The following LHFPL3 variants were observed in gnomAD, a reference collection of about 807,000 sequenced individuals.
LHFPL3 encodes LHFPL tetraspan subfamily member 3 protein.
LHFPL3 carries 5 observed loss-of-function variants against 19.3 expected under a neutral mutation model. That is an observed-to-expected ratio of 0.26 (90% CI 0.14 to 0.54). The LOEUF (loss-of-function observed/expected upper bound fraction) is 0.54. Ranked by LOEUF, LHFPL3 falls within the 20% of genes least tolerant of loss-of-function variation. The probability of loss-of-function intolerance (pLI) is 0.94; values close to 1 mark genes in which losing one functional copy is unlikely to be tolerated. For missense variants in LHFPL3, 249 were observed against 307.4 expected, an observed-to-expected ratio of 0.81 and a Z score of 1.42; for synonymous variants, 133 against 126.2, an observed-to-expected ratio of 1.05 and a Z score of -0.36.
chr7:104,585,480 A>AACACACAAACAC (rs368941359), intron 1 of LHFPL3, among the ~76,000 whole-genome samples: 1 of 123,362 alleles, frequency 8.1e-6, no homozygotes, highest in East Asian at 2.4e-4. Flanking sequence ...AACACACACA[A>AACACACAAACAC]ACACACACAC....
intron 1 of LHFPL3, among the ~76,000 whole-genome samples, chr7:104,430,430 A>ATG (rs1562895256): frequency 4.5e-3 from 48 of 10,576 alleles, no homozygotes; most frequent in South Asian, 0.031. Context: ...ATATATATAT[A>ATG]TATATATATA....
chr7:104,613,051 A>C (rs1562949968), intron 1 of LHFPL3, among the ~76,000 whole-genome samples: 1 of 152,194 alleles, frequency 6.6e-6, no homozygotes, highest in African/African-American at 2.4e-5. Flanking sequence ...CCTGAATGCA[A>C]GTAGGGGCTG....
chr7:104,687,427 TA>T (rs942950036), intron 1 of LHFPL3, among the ~76,000 whole-genome samples: 3 of 152,170 alleles, frequency 2.0e-5, no homozygotes, highest in African/African-American at 7.2e-5. Context: ...TAGCCATTGA[TA>T]AAAAGCTCAA....
chr7:104,691,248 G>C (rs1161164101), intron 1 of LHFPL3, among the ~76,000 whole-genome samples: 1 of 152,196 alleles, frequency 6.6e-6, no homozygotes, highest in Non-Finnish European at 1.5e-5. Context: ...GGCTTAAGCA[G>C]GTCCAGAAGG....
intron 1 of LHFPL3, among the ~76,000 whole-genome samples, chr7:104,651,838 G>A (rs1293559657): frequency 6.6e-6 from 1 of 152,178 alleles, no homozygotes; most frequent in East Asian, 1.9e-4. Context: ...ATCTGTCTGA[G>A]CCTCAGTTTC....
intron 1 of LHFPL3, among the ~76,000 whole-genome samples, chr7:104,628,505 A>G (rs754600952): frequency 6.6e-6 from 1 of 152,184 alleles, no homozygotes; most frequent in Non-Finnish European, 1.5e-5. Flanking sequence ...CTATATTTAC[A>G]AAGTATCTCT....
At chr7:104,366,971 G>C (rs1353235264) in intron 1 of LHFPL3, among the ~76,000 whole-genome samples, 3 of 152,126 alleles carry the variant, frequency 2.0e-5, no homozygotes, top group Non-Finnish European at 4.4e-5. Context: ...AGTGTGGATG[G>C]TTGTTAATTA....
intron 1 of LHFPL3, among the ~76,000 whole-genome samples, chr7:104,336,065 T>C (rs1789802256): frequency 6.6e-6 from 1 of 152,166 alleles, no homozygotes; most frequent in Admixed American, 6.5e-5. Context: ...TAAAGTGTAA[T>C]TTCCATAATG....
rs189489288 is a variant in LHFPL3, at chr7:104,594,298, C to G, written c.446-142377C>G. ...TTTTATTTCTCCTTCAATTATGAAG[C>G]TTAGTTTGGCTGGATATGAAATTCT... On this transcript the variant is annotated intron_variant, in intron 1 of 2. Coordinates refer to ENST00000424859, the MANE Select transcript of LHFPL3 (RefSeq NM_199000.3). 1.3e-5 allele frequency among the ~76,000 whole-genome samples: 2 copies of G among 152,260 alleles called. 1 individual carries two copies. The highest frequency in any genetic ancestry group is 3.9e-4 in the East Asian group (2 of 5,172).
At chr7:104,406,301 A>G (rs1006154033) in intron 1 of LHFPL3, among the ~76,000 whole-genome samples, 1 of 152,184 alleles carries the variant, frequency 6.6e-6, no homozygotes, top group African/African-American at 2.4e-5. Context: ...TTTGTAGGCA[A>G]TAGATGAAGT....
At chr7:104,374,240 G>A (rs1584275245) in intron 1 of LHFPL3, among the ~76,000 whole-genome samples, 1 of 147,510 alleles carries the variant, frequency 6.8e-6, no homozygotes, top group African/African-American at 2.5e-5. Context: ...GTGTGTGTGT[G>A]TATACATATA....
At chr7:104,362,476 G>A (rs1411362529) in intron 1 of LHFPL3, among the ~76,000 whole-genome samples, 10 of 152,208 alleles carry the variant, frequency 6.6e-5, no homozygotes, top group African/African-American at 2.4e-4. Context: ...TGTACAGACA[G>A]GAAACTGAGG....
intron 1 of LHFPL3, among the ~76,000 whole-genome samples, chr7:104,509,454 C>A (rs1325983726): frequency 6.6e-6 from 1 of 151,924 alleles, no homozygotes; most frequent in Non-Finnish European, 1.5e-5. Flanking sequence ...ATATAATCCA[C>A]CATATTCACA....
At chr7:104,580,692 C>T (rs999284604) in intron 1 of LHFPL3, among the ~76,000 whole-genome samples, 7 of 152,050 alleles carry the variant, frequency 4.6e-5, no homozygotes, top group Non-Finnish European at 8.8e-5. Context: ...ATTCCTCATA[C>T]TCATCGCAGT....
At chr7:104,587,306 TC>T (rs1446449159) in intron 1 of LHFPL3, among the ~76,000 whole-genome samples, 2 of 152,102 alleles carry the variant, frequency 1.3e-5, no homozygotes, top group Non-Finnish European at 2.9e-5. Flanking sequence ...TGTGTGATGT[TC>T]CCCACCCTGT....
chr7:104,465,015 T>C (rs1400826459), intron 1 of LHFPL3, among the ~76,000 whole-genome samples: 2 of 152,200 alleles, frequency 1.3e-5, no homozygotes, highest in African/African-American at 4.8e-5. Flanking sequence ...ACTTAGAAAT[T>C]TCTTCCACCA....
chr7:104,340,125 A>G (rs1171104198), intron 1 of LHFPL3, among the ~76,000 whole-genome samples: 4 of 152,202 alleles, frequency 2.6e-5, no homozygotes, highest in Non-Finnish European at 5.9e-5. Context: ...TGGGTAAGTC[A>G]TCTAACTAAT....
chr7:104,794,678 C>T (rs955944031), intron 2 of LHFPL3, among the ~76,000 whole-genome samples: 2 of 152,186 alleles, frequency 1.3e-5, no homozygotes, highest in African/African-American at 4.8e-5. Context: ...TCAAGCAGTT[C>T]CTTTCTTTTC....
chr7:104,702,723 T>C (rs1364834370), intron 1 of LHFPL3, among the ~76,000 whole-genome samples: 1 of 152,232 alleles, frequency 6.6e-6, no homozygotes, highest in African/African-American at 2.4e-5. Flanking sequence ...TGGCTCCACA[T>C]AGACACCTTC....
Sources: gnomAD v4.1 joint callset for allele counts (sites outside exome capture counted in the v4.1 genomes callset) on GRCh38, gnomAD v4.1.1 for gene constraint, MANE v1.5 for transcripts, NCBI Gene and HGNC (gene_info 2026-07-23, HGNC 2026-07-21) for gene names.